Variants in RGS7 observed in about 807,000 individuals in gnomAD.
The protein encoded by RGS7 is regulator of G protein signaling 7.
RGS7 carries 27 observed loss-of-function variants against 81.1 expected under a neutral mutation model. The ratio of observed to expected loss-of-function variants is 0.33; its 90% CI spans 0.25 to 0.46. RGS7 has a LOEUF of 0.46. Among genes scored for constraint, RGS7 ranks in the 20% least tolerant of loss-of-function variants. RGS7 has a pLI of 1.00. For synonymous variants in RGS7, 208 were observed against 207.7 expected, an observed-to-expected ratio of 1.00 and a Z score of -0.01; for missense variants, 396 against 607.4, an observed-to-expected ratio of 0.65 and a Z score of 3.66.
intron 9 of RGS7, among the ~76,000 whole-genome samples, chr1:240,862,547 G>A (rs1469930767): frequency 6.6e-6 from 1 of 152,128 alleles, no homozygotes; most frequent in African/African-American, 2.4e-5. Flanking sequence ...GAAGGATCAG[G>A]TGTTACCTGG....
chr1:240,980,670 G>C (rs1328289505), intron 4 of RGS7, among the ~76,000 whole-genome samples: 1 of 152,142 alleles, frequency 6.6e-6, no homozygotes, highest in Non-Finnish European at 1.5e-5. Context: ...ATTGGGATCA[G>C]AATAGCCACC....
intron 2 of RGS7, among the ~76,000 whole-genome samples, chr1:241,156,720 G>A (rs1336769530): frequency 6.6e-6 from 1 of 152,052 alleles, no homozygotes; most frequent in Non-Finnish European, 1.5e-5. Context: ...GCAGAGAACT[G>A]CCTCACACAA....
chr1:240,940,874 T>A (rs532427362), intron 4 of RGS7, among the ~76,000 whole-genome samples: 4 of 152,362 alleles, frequency 2.6e-5, no homozygotes, highest in African/African-American at 9.6e-5. Context: ...ACAAGTTATA[T>A]ACTTATAGAG....
intron 2 of RGS7, among the ~76,000 whole-genome samples, chr1:241,145,461 T>C (rs190640200): frequency 6.6e-6 from 1 of 152,326 alleles, no homozygotes; most frequent in Admixed American, 6.5e-5. Flanking sequence ...AGGATAAAGG[T>C]TGGATCCGAT....
At chr1:241,215,844 A>G (rs1267681899) in intron 2 of RGS7, among the ~76,000 whole-genome samples, 1 of 152,230 alleles carries the variant, frequency 6.6e-6, no homozygotes, top group Non-Finnish European at 1.5e-5. Context: ...TATCAGTAGA[A>G]GGCTTAATCT....
chr1:240,953,169 A>G lies in RGS7; in HGVS notation c.227-16463T>C, dbSNP rs573870032. On this transcript the variant is annotated intron_variant, in intron 4 of 18. Coordinates refer to ENST00000440928, the MANE Select transcript of RGS7 (RefSeq NM_001364886.1). ...TCATTAATTGACAGACCAAATAAGC[A>G]GCAGAAAATCAAGCAGTCAGAATAT... 1.6e-3 allele frequency among the ~76,000 whole-genome samples: 250 copies of G among 152,048 alleles called. 1 individual carries two copies. Among genetic ancestry groups the G allele is most frequent in the African/African-American group, 5.7e-3 (237 of 41,580 alleles).
Position 241,148,715 on chromosome 1 carries a change from G to T in RGS7, c.79-49953C>A, listed in dbSNP as rs2068530282. ...CAGCTGGGTCAAGACTGGTGTTATTGTAAAGATGTGAAAATGCATATACAT... is the reference window on the plus strand; with the variant it reads ...CAGCTGGGTCAAGACTGGTGTTATTTTAAAGATGTGAAAATGCATATACAT... On this transcript the variant is annotated intron_variant, in intron 2 of 18. Transcript: ENST00000440928. 2.6e-5 allele frequency among the ~76,000 whole-genome samples: 4 copies of T among 152,332 alleles called. No individual in the cohort carries two copies. The South Asian group carries it at 8.3e-4, about 32-fold the overall frequency.
chr1:241,151,998 A>G (rs548571325), intron 2 of RGS7, among the ~76,000 whole-genome samples: 5 of 152,294 alleles, frequency 3.3e-5, no homozygotes, highest in South Asian at 2.1e-4. Context: ...CACTTCATCA[A>G]CAAAGCTAGT....
rs148353574 is a variant in RGS7, at chr1:241,211,481, C to T, written c.79-112719G>A. On this transcript the variant is annotated intron_variant, in intron 2 of 18. Transcript: ENST00000440928. ...ACCGTAGCTGGAGTAGTGAGCAACA[C>T]GAGGTGGTGGGACAAAAGCCATTCC... Among the ~76,000 whole-genome samples the T allele has an allele frequency of 1.0e-3, 154 of 152,244 alleles. 1 individual carries two copies. The highest frequency in any genetic ancestry group is 1.9e-3 in the Non-Finnish European group (129 of 68,028).
chr1:241,173,345 T>C (rs1189383877), intron 2 of RGS7, among the ~76,000 whole-genome samples: 1 of 152,214 alleles, frequency 6.6e-6, no homozygotes, highest in Non-Finnish European at 1.5e-5. Context: ...GTCATGGAGT[T>C]GTTATAAATA....
chr1:240,953,070 A>G (rs1321351909), intron 4 of RGS7, among the ~76,000 whole-genome samples: 1 of 151,932 alleles, frequency 6.6e-6, no homozygotes, highest in Non-Finnish European at 1.5e-5. Flanking sequence ...GTTAAAATAC[A>G]TAAGGCAAAA....
chr1:241,111,574 G>C (rs2065513654), intron 2 of RGS7, among the ~76,000 whole-genome samples: 1 of 151,892 alleles, frequency 6.6e-6, no homozygotes, highest in Non-Finnish European at 1.5e-5. Context: ...CCAGGAGTTT[G>C]AGACCAGCCT....
chr1:240,870,747 A>G lies in RGS7; in HGVS notation c.386-628T>C, dbSNP rs945592423. Among the ~76,000 whole-genome samples, 11 of 152,364 alleles carry G rather than the reference A, an allele frequency of 7.2e-5. No individual in the cohort carries two copies. In the East Asian group the frequency reaches 1.2e-3, roughly 16 times the overall value. On this transcript the variant is annotated intron_variant, in intron 6 of 18. Coordinates refer to ENST00000440928, the MANE Select transcript of RGS7 (RefSeq NM_001364886.1). ...GGTCACCAAATGAACTTAAAAATCT[A>G]TATATCCAAATAAAATCATTTTGTG...
At chr1:240,966,467 G>C (rs78026241) in intron 4 of RGS7, among the ~76,000 whole-genome samples, 2 of 151,866 alleles carry the variant, frequency 1.3e-5, no homozygotes, top group African/African-American at 4.8e-5. Flanking sequence ...TGATTTGTAC[G>C]AATTCTTGTT....
chr1:241,193,738 G>C (rs1558176023), intron 2 of RGS7, among the ~76,000 whole-genome samples: 1 of 152,196 alleles, frequency 6.6e-6, no homozygotes, highest in African/African-American at 2.4e-5. Flanking sequence ...TGTTAAGACT[G>C]AGACTTCTGC....
At chr1:240,851,940 G>A (rs747119188) in intron 9 of RGS7, among the ~76,000 whole-genome samples, 2 of 152,098 alleles carry the variant, frequency 1.3e-5, no homozygotes, top group Non-Finnish European at 2.9e-5. Context: ...ATCTACTTCC[G>A]GTGAAGATGG....
intron 18 of RGS7, among the ~76,000 whole-genome samples, chr1:240,791,919 C>A (rs1216510389): frequency 6.6e-6 from 1 of 152,106 alleles, no homozygotes; most frequent in Admixed American, 6.5e-5. Flanking sequence ...CTATTTGATG[C>A]TGTTTAATTC....
rs1277530000 is a variant in RGS7 at position 241,144,226 on chromosome 1, A to G, written c.79-45464T>C. 2.0e-5 allele frequency among the ~76,000 whole-genome samples: 3 copies of G among 152,150 alleles called. No individual in the cohort carries two copies. Among genetic ancestry groups the G allele is most frequent in the South Asian group, 2.1e-4 (1 of 4,832 alleles). ...ACAGTGTCTCCTGTTAAAAAATTCA[A>G]ATCCTCATCCAAATTGACATACATG... On this transcript the variant is annotated intron_variant, in intron 2 of 18. Transcript: ENST00000440928. This position sits in a 1 kb window ranked among gnomAD's most constrained non-coding sequence, Gnocchi z 4.7.
intron 2 of RGS7, among the ~76,000 whole-genome samples, chr1:241,102,270 A>T (rs1022096314): frequency 2.0e-5 from 3 of 152,178 alleles, no homozygotes; most frequent in African/African-American, 7.2e-5. Flanking sequence ...AAAAACTAAA[A>T]TCAATTAAAA....
Sources: gnomAD v4.1 joint callset for allele counts (sites outside exome capture counted in the v4.1 genomes callset) on GRCh38, gnomAD v4.1.1 for gene constraint, Gnocchi (gnomAD v3.1) non-coding constraint, MANE v1.5 for transcripts, NCBI Gene and HGNC (gene_info 2026-07-23, HGNC 2026-07-21) for gene names.